Variants in NR5A2 observed in about 807,000 individuals in gnomAD.
NR5A2 encodes nuclear receptor subfamily 5 group A member 2, also known as CYP7A promoter-binding factor.
Under a neutral mutation model 62.7 loss-of-function variants are expected in NR5A2, and 26 were observed. The ratio of observed to expected loss-of-function variants is 0.41; its 90% CI spans 0.30 to 0.58. The LOEUF is 0.58. Ranked by LOEUF, NR5A2 falls within the 20% of genes least tolerant of loss-of-function variation. NR5A2 has a pLI of 0.22. For missense variants in NR5A2, 541 were observed against 669.1 expected, an observed-to-expected ratio of 0.81 and a Z score of 2.11; for synonymous variants, 246 against 241.7, an observed-to-expected ratio of 1.02 and a Z score of -0.16.
chr1:200,031,571 C>CTTTTTTTTTTTTT (rs530174677), intron 1 of NR5A2, among the ~76,000 whole-genome samples: 1 of 89,520 alleles, frequency 1.1e-5, no homozygotes, highest in Non-Finnish European at 2.1e-5. Flanking sequence ...TCTTTAACAC[C>CTTTTTTTTTTTTT]TTTTTTTTTT....
At chr1:200,124,860 C>T (rs1666634278) in intron 7 of NR5A2, among the ~76,000 whole-genome samples, 2 of 152,034 alleles carry the variant, frequency 1.3e-5, no homozygotes, top group Non-Finnish European at 2.9e-5. Flanking sequence ...CAAGATCGTA[C>T]TACTTCACTC....
At chr1:200,060,902 G>A (rs1663172947) in intron 5 of NR5A2, among the ~76,000 whole-genome samples, 1 of 133,948 alleles carries the variant, frequency 7.5e-6, no homozygotes, top group Non-Finnish European at 1.5e-5. Flanking sequence ...AGGAGTTCGA[G>A]ACCATCCTGG....
intron 5 of NR5A2, among the ~76,000 whole-genome samples, chr1:200,085,033 G>A (rs970541940): frequency 1.4e-4 from 21 of 152,282 alleles, no homozygotes; most frequent in South Asian, 6.2e-4. Context: ...AGAAGTATCC[G>A]GGGCTCTACC....
intron 5 of NR5A2, among the ~76,000 whole-genome samples, chr1:200,105,781 G>A (rs192628650): frequency 2.0e-4 from 30 of 152,058 alleles, no homozygotes; most frequent in South Asian, 1.0e-3. Context: ...GTGAGAACTC[G>A]TCTCTACAAA....
intron 5 of NR5A2, among the ~76,000 whole-genome samples, chr1:200,073,968 AG>A (rs1244272825): frequency 6.6e-6 from 1 of 152,144 alleles, no homozygotes; most frequent in Non-Finnish European, 1.5e-5. Context: ...CTGTCTGTGG[AG>A]GGGGCACCAG....
At chr1:200,110,701 C>T (rs1229494274) in intron 5 of NR5A2, among the ~76,000 whole-genome samples, 4 of 152,196 alleles carry the variant, frequency 2.6e-5, no homozygotes, top group Non-Finnish European at 5.9e-5. Context: ...GTCTTTGTCT[C>T]CAAAAGTCCT....
intron 7 of NR5A2, among the ~76,000 whole-genome samples, chr1:200,122,420 G>T (rs2258675): frequency 5.9e-5 from 9 of 151,838 alleles, no homozygotes; most frequent in Non-Finnish European, 1.2e-4. Context: ...ATATTTACAG[G>T]GTCATCTCAT....
intron 2 of NR5A2, 125 bp from the exon 3 acceptor site, chr1:200,043,649 T>G (rs1662223654): frequency 7.0e-6 from 4 of 568,682 alleles, no homozygotes; most frequent in Non-Finnish European, 1.2e-5. Context: ...TGCTAAAAAT[T>G]GTTTTTATTT....
intron 7 of NR5A2, among the ~76,000 whole-genome samples, chr1:200,151,278 C>A (rs531406083): frequency 1.3e-5 from 2 of 152,298 alleles, no homozygotes; most frequent in South Asian, 4.1e-4. Context: ...TTAGAGAAAG[C>A]CATGGGTTTC....
chr1:200,040,881 G>T (rs976734374), intron 2 of NR5A2, among the ~76,000 whole-genome samples: 1 of 152,230 alleles, frequency 6.6e-6, no homozygotes, highest in African/African-American at 2.4e-5. Context: ...GGCGTGCGCC[G>T]TGCGGGTTGT....
chr1:200,109,454 C>T (rs543565610), intron 5 of NR5A2, among the ~76,000 whole-genome samples: 5 of 152,208 alleles, frequency 3.3e-5, no homozygotes, highest in South Asian at 2.1e-4. Flanking sequence ...TATTTTTAGC[C>T]GAGAAAATAT....
chr1:200,071,069 C>G, intron 5 of NR5A2, among the ~76,000 whole-genome samples: 1 of 152,132 alleles, frequency 6.6e-6, no homozygotes, highest in East Asian at 1.9e-4. Flanking sequence ...GAGCAATTGA[C>G]TTCTTTGGTT....
intron 7 of NR5A2, among the ~76,000 whole-genome samples, chr1:200,132,516 C>T (rs1051651213): frequency 2.0e-5 from 3 of 152,194 alleles, no homozygotes; most frequent in African/African-American, 7.2e-5. Context: ...GTTCCACACA[C>T]ATGCTATTCT....
At chr1:200,091,440 C>T (rs34615585) in intron 5 of NR5A2, among the ~76,000 whole-genome samples, 2,705 of 151,790 alleles carry the variant, frequency 0.018, 32 homozygotes, top group Admixed American at 0.025. Context: ...TGTTTCTGTA[C>T]CAGACCTGTC....
At chr1:200,041,924 G>A (rs1662105720) in intron 2 of NR5A2, among the ~76,000 whole-genome samples, 1 of 152,206 alleles carries the variant, frequency 6.6e-6, no homozygotes, top group Non-Finnish European at 1.5e-5. Context: ...TTTGTTGGGG[G>A]AAGGGGAGGT....
intron 5 of NR5A2, among the ~76,000 whole-genome samples, chr1:200,053,550 TC>T (rs144983421): frequency 9.3e-6 from 1 of 107,146 alleles, no homozygotes; most frequent in African/African-American, 3.9e-5. Context: ...CATTCCCTCA[TC>T]CCCCCCAGCA....
At chr1:200,055,320 C>T (rs1004777472) in intron 5 of NR5A2, among the ~76,000 whole-genome samples, 1 of 152,052 alleles carries the variant, frequency 6.6e-6, no homozygotes, top group Non-Finnish European at 1.5e-5. Flanking sequence ...CTCAGCCTCC[C>T]GAGTAGCTGG....
rs886489718 is a variant in NR5A2, at chr1:200,109,916, A to G, written c.1111-1286A>G. Among the ~76,000 whole-genome samples, 64 of 152,134 alleles carry G rather than the reference A, an allele frequency of 4.2e-4. 1 individual carries two copies. Among genetic ancestry groups the G allele is most frequent in the African/African-American group, 1.5e-3 (62 of 41,520 alleles). ...AGTAGCTGGGATTACAGGTGTGCAC[A>G]ACGATGCCCAGCTAATTTTTGTATT... is the stretch of plus-strand genomic sequence containing the variant. On this transcript the variant is annotated intron_variant, in intron 5 of 7. Coordinates refer to ENST00000367362, the MANE Select transcript of NR5A2 (RefSeq NM_205860.3).
chr1:200,047,584 C>CTTTTTTTTTTT (rs3066613), intron 4 of NR5A2, among the ~76,000 whole-genome samples: 1 of 148,308 alleles, frequency 6.7e-6, no homozygotes, highest in African/African-American at 2.6e-5. Flanking sequence ...TATTTCTTTT[C>CTTTTTTTTTTT]TTTTTTTTGA....
Sources: allele counts gnomAD v4.1 joint callset (sites outside exome capture counted in the v4.1 genomes callset), GRCh38; gene constraint gnomAD v4.1.1; transcripts MANE v1.5; gene names NCBI Gene and HGNC (gene_info 2026-07-23, HGNC 2026-07-21).